Variants in ERLIN1 observed in about 807,000 individuals in gnomAD.
ERLIN1 encodes the protein erlin-1.
In ERLIN1, 24 loss-of-function variants were observed where a neutral mutation model predicts 46.9. The observed-to-expected ratio is 0.51, with a 90% CI of 0.37 to 0.72. The LOEUF is 0.72. Among genes scored for constraint, ERLIN1 ranks in the 30% least tolerant of loss-of-function variants. The probability of loss-of-function intolerance (pLI) is 0.00; values close to 1 mark genes in which losing one functional copy is unlikely to be tolerated. For missense variants in ERLIN1, 293 were observed against 417.9 expected, an observed-to-expected ratio of 0.70 and a Z score of 2.61; for synonymous variants, 158 against 143.2, an observed-to-expected ratio of 1.10 and a Z score of -0.74.
intron 7 of ERLIN1, 149 bp from the exon 8 acceptor site, chr10:100,164,244 T>C (rs1843512744): frequency 1.8e-6 from 1 of 559,134 alleles, no homozygotes; most frequent in African/African-American, 1.9e-5. Context: ...TGTTACTTTA[T>C]TTTACTTATA....
intron 6 of ERLIN1, among the ~76,000 whole-genome samples, chr10:100,168,564 A>G (rs541659472): frequency 8.1e-4 from 123 of 152,344 alleles, no homozygotes; most frequent in African/African-American, 2.8e-3. Flanking sequence ...ACTAGCAGAC[A>G]TAAGATTACT....
chr10:100,173,014 T>C lies in ERLIN1; in HGVS notation c.504+1194A>G, dbSNP rs75564269. 3.6e-4 allele frequency among the ~76,000 whole-genome samples: 55 copies of C among 152,266 alleles called. 1 individual carries two copies. The East Asian group carries it at 7.9e-3, about 22-fold the overall frequency. On this transcript the variant is annotated intron_variant, in intron 6 of 10. Transcript: ENST00000421367. The stretch of plus-strand genomic sequence containing the variant: ...ATTTTACAAAGTTACCTCTGGACAT[T>C]TCAAACGACCCCTTAACTCTGGTGG...
At chr10:100,167,270 CAT>C (rs1251262728) in intron 7 of ERLIN1, 76 bp downstream of exon 7, 28 of 1,041,630 alleles carry the variant, frequency 2.7e-5, no homozygotes, top group Admixed American at 7.3e-5. Context: ...TATTGTCTCA[CAT>C]GTTTCCTCTA....
At chr10:100,178,269 A>G (rs1844431382) in intron 3 of ERLIN1, 75 bp from the exon 4 acceptor site, 2 of 904,188 alleles carry the variant, frequency 2.2e-6, no homozygotes, top group East Asian at 5.3e-5. Flanking sequence ...CCTGGGGAGA[A>G]GCTGATAATG....
intron 6 of ERLIN1, among the ~76,000 whole-genome samples, chr10:100,168,272 G>A (rs1371618597): frequency 6.6e-6 from 1 of 152,158 alleles, no homozygotes; most frequent in African/African-American, 2.4e-5. Flanking sequence ...GAATAACAAA[G>A]CCTTTAAGCA....
intron 8 of ERLIN1, among the ~76,000 whole-genome samples, chr10:100,160,022 A>C (rs1261118966): frequency 1.3e-5 from 2 of 152,134 alleles, no homozygotes; most frequent in African/African-American, 2.4e-5. Flanking sequence ...CAGCAAAAGA[A>C]AAGGCACAAG....
chr10:100,176,219 T>C (rs1844293288), intron 4 of ERLIN1, 149 bp from the exon 5 acceptor site: 1 of 605,852 alleles, frequency 1.7e-6, no homozygotes, highest in Admixed American at 3.5e-5. Context: ...CTAACAAATC[T>C]TGATGTGTTG....
intron 2 of ERLIN1, 63 bp downstream of exon 2, chr10:100,183,693 A>C: frequency 9.4e-7 from 1 of 1,058,716 alleles, no homozygotes; most frequent in Non-Finnish European, 1.4e-6. Context: ...TCCACCCACA[A>C]GTGTGGTAAC....
At chr10:100,170,970 A>G (rs1843958706) in intron 6 of ERLIN1, among the ~76,000 whole-genome samples, 1 of 152,218 alleles carries the variant, frequency 6.6e-6, no homozygotes, top group Admixed American at 6.5e-5. Context: ...TAAACTATTC[A>G]GTAATTACCG....
rs1842825464 is a variant in ERLIN1 at position 100,152,020 on chromosome 10, G to A, written c.*111C>T. On this transcript the variant is annotated 3_prime_UTR_variant, in exon 11 of 11. Transcript: ENST00000421367. ...CACCCAGGACTATCGCAGGAGAGGT[G>A]GAACAGATGAAGTGTAAGTTCTCTG... is the stretch of plus-strand genomic sequence containing the variant. The A allele has an allele frequency of 2.6e-6, 2 of 755,948 alleles. No homozygotes were observed. The highest frequency in any genetic ancestry group is 4.7e-6 in the Non-Finnish European group (2 of 424,592). 46.8% of individuals were successfully genotyped at this position (755,948 alleles called of 1,614,324 possible).
In ERLIN1 at chr10:100,174,190, C is replaced by A; in HGVS notation, c.504+18G>T. On this transcript the variant is annotated intron_variant, in intron 6 of 10. Coordinates refer to ENST00000421367, the MANE Select transcript of ERLIN1 (RefSeq NM_006459.4). ...GCTCTCAAAATCCCCAGAGAACTTC[C>A]CTAGGAAAAGAACTTACCTGTATAG... The A allele has an allele frequency of 1.3e-6, 2 of 1,518,218 alleles. No individual in the cohort carries two copies. Among genetic ancestry groups the A allele is most frequent in the Non-Finnish European group, 9.0e-7 (1 of 1,114,696 alleles). The allele number at this position is 1,518,218 out of a possible 1,614,324, so 94.0% of individuals were successfully genotyped here.
chr10:100,184,786 T>C (rs1180988483), intron 1 of ERLIN1, among the ~76,000 whole-genome samples: 1 of 152,184 alleles, frequency 6.6e-6, no homozygotes, highest in Non-Finnish European at 1.5e-5. Flanking sequence ...GATTTGAAAG[T>C]AGAAATATCA....
intron 8 of ERLIN1, among the ~76,000 whole-genome samples, chr10:100,163,091 T>C (rs1843446568): frequency 6.6e-6 from 1 of 151,746 alleles, no homozygotes; most frequent in South Asian, 2.1e-4. Flanking sequence ...AAGGATAAAA[T>C]GCCAAAAAAA....
chr10:100,160,309 G>A (rs1295439364), intron 8 of ERLIN1, among the ~76,000 whole-genome samples: 1 of 151,968 alleles, frequency 6.6e-6, no homozygotes, highest in East Asian at 1.9e-4. Flanking sequence ...TGGCTTTTAC[G>A]AGTTCCACCA....
chr10:100,165,637 T>C (rs968815587), intron 7 of ERLIN1, among the ~76,000 whole-genome samples: 1 of 152,118 alleles, frequency 6.6e-6, no homozygotes, highest in South Asian at 2.1e-4. Context: ...CCGCCCACCT[T>C]GGCCTCCCAA....
At position 100,152,287 on chromosome 10, in the gene ERLIN1, G is replaced by A. The variant is rs949502207; in HGVS notation, c.891C>T (p.Ile297=). Residue 297 remains isoleucine (I), a synonymous_variant, in exon 11 of 11, where the codon ATC becomes ATT. Transcript: ENST00000421367. The part of the protein sequence containing the change: ...KYQAIASNSK[I]YFGSNIPNMF... ...TGTTAGGGATGTTGCTGCCAAAATA[G>A]ATCTTACTGTTAGAAGCAATGGCCT... 2.5e-6 allele frequency: 4 copies of A among 1,613,358 alleles called. No homozygotes were observed. The South Asian group carries it at 4.4e-5, about 18-fold the overall frequency.
At chr10:100,166,152 A>G (rs1376353443) in intron 7 of ERLIN1, among the ~76,000 whole-genome samples, 1 of 152,120 alleles carries the variant, frequency 6.6e-6, no homozygotes, top group Non-Finnish European at 1.5e-5. Context: ...GGGTGTGGTG[A>G]CTCAAGCCTG....
At chr10:100,152,510 A>G (rs1246391247) in intron 10 of ERLIN1, among the ~76,000 whole-genome samples, 158 bp from the exon 11 acceptor site, 1 of 152,212 alleles carries the variant, frequency 6.6e-6, no homozygotes, top group Non-Finnish European at 1.5e-5. Flanking sequence ...TGGCTATCAC[A>G]TTAACAGCTG....
chr10:100,179,415 C>G (rs535916151), intron 2 of ERLIN1, among the ~76,000 whole-genome samples, 168 bp from the exon 3 acceptor site: 2 of 151,884 alleles, frequency 1.3e-5, no homozygotes, highest in Admixed American at 6.6e-5. Flanking sequence ...TTTTTGTATT[C>G]TAGTAGAAAT....
Sources: allele counts gnomAD v4.1 joint callset (sites outside exome capture counted in the v4.1 genomes callset), GRCh38; gene constraint gnomAD v4.1.1; transcripts MANE v1.5; gene names NCBI Gene and HGNC (gene_info 2026-07-23, HGNC 2026-07-21).